CEP70: variants seen among roughly 807,000 people sequenced by gnomAD.
CEP70 encodes the protein centrosomal protein of 70 kDa.
CEP70 carries 70 observed loss-of-function variants against 90.9 expected under a neutral mutation model. The ratio of observed to expected loss-of-function variants is 0.77; its 90% CI spans 0.64 to 0.94. The LOEUF (loss-of-function observed/expected upper bound fraction) is 0.94. Ranked by LOEUF, CEP70 falls within the 40% of genes least tolerant of loss-of-function variation. The probability of loss-of-function intolerance (pLI) is 0.00; values close to 1 mark genes in which losing one functional copy is unlikely to be tolerated. For missense variants in CEP70, 648 were observed against 669.0 expected, an observed-to-expected ratio of 0.97 and a Z score of 0.35; for synonymous variants, 220 against 228.3, an observed-to-expected ratio of 0.96 and a Z score of 0.33.
At chr3:138,542,256 T>G (rs1256618473) in intron 6 of CEP70, among the ~76,000 whole-genome samples, 4 of 152,154 alleles carry the variant, frequency 2.6e-5, no homozygotes, top group Non-Finnish European at 5.9e-5. Flanking sequence ...CCAGATGTAC[T>G]GCAAGCAGCT....
intron 6 of CEP70, among the ~76,000 whole-genome samples, chr3:138,543,457 G>A (rs2038925862): frequency 6.6e-6 from 1 of 152,238 alleles, no homozygotes; most frequent in Non-Finnish European, 1.5e-5. Flanking sequence ...GGAGTGAAGA[G>A]AGGCCAGGCA....
In CEP70 at chr3:138,568,703, G is replaced by A. The variant is rs145300638; in HGVS notation, c.465+1615C>T. Among the ~76,000 whole-genome samples, 420 of 152,032 alleles carry A rather than the reference G, an allele frequency of 2.8e-3. 4 individuals carry two copies. Among genetic ancestry groups the A allele is most frequent in the Admixed American group, 0.017 (262 of 15,274 alleles). ...CTTGTTAACAAAGCCAACCTAGGCC[G>A]GGCGCAGTGGCTCACACCTATAATC... On this transcript the variant is annotated intron_variant, in intron 6 of 17. Coordinates refer to ENST00000264982, the MANE Select transcript of CEP70 (RefSeq NM_024491.4).
intron 6 of CEP70, among the ~76,000 whole-genome samples, chr3:138,542,746 A>G (rs879469441): frequency 6.6e-6 from 1 of 152,208 alleles, no homozygotes; most frequent in Non-Finnish European, 1.5e-5. Context: ...AACGTGTTAC[A>G]GCTCCTTTCA....
intron 10 of CEP70, among the ~76,000 whole-genome samples, chr3:138,525,992 T>C (rs563845397): frequency 1.6e-4 from 25 of 152,174 alleles, no homozygotes; most frequent in Non-Finnish European, 3.5e-4. Flanking sequence ...AGAGAACCAC[T>C]ATCCTCAATT....
chr3:138,564,490 G>A (rs547369045), intron 6 of CEP70, among the ~76,000 whole-genome samples: 12 of 152,136 alleles, frequency 7.9e-5, no homozygotes, highest in South Asian at 4.2e-4. Flanking sequence ...ATCAAAAACC[G>A]TATCCACCAC....
intron 6 of CEP70, among the ~76,000 whole-genome samples, chr3:138,554,912 G>A (rs891510940): frequency 6.6e-5 from 10 of 152,088 alleles, no homozygotes; most frequent in Middle Eastern, 3.4e-3. Context: ...TAATTGGCAC[G>A]CCACATGTAG....
intron 16 of CEP70, among the ~76,000 whole-genome samples, chr3:138,498,522 G>A (rs1230313323): frequency 6.6e-6 from 1 of 151,470 alleles, no homozygotes; most frequent in Non-Finnish European, 1.5e-5. Flanking sequence ...TTTTAGTAGA[G>A]ACGGGGTTTC....
rs543865856 is a variant in CEP70, at chr3:138,528,001, AT to A, written c.869+1197del. Among the ~76,000 whole-genome samples, 823 of 126,036 alleles carry A rather than the reference AT, an allele frequency of 6.5e-3. 11 individuals are homozygous for A. Among genetic ancestry groups the A allele is most frequent in the African/African-American group, 0.023 (769 of 33,150 alleles). The allele number at this position is 126,036 out of a possible 152,430, so 82.7% of individuals were successfully genotyped here. ...ACATCAATTGTAACTCAATAAAGCT[AT>A]TTTTTAAAAGCAAAAAAAAAAAAAA... On this transcript the variant is annotated intron_variant, in intron 10 of 17. Coordinates refer to ENST00000264982, the MANE Select transcript of CEP70 (RefSeq NM_024491.4).
intron 11 of CEP70, among the ~76,000 whole-genome samples, chr3:138,520,574 T>G (rs1362230613): frequency 1.3e-5 from 2 of 152,186 alleles, no homozygotes; most frequent in African/African-American, 4.8e-5. Flanking sequence ...AACCTGCTCC[T>G]GAATGACTAC....
Position 138,500,190 on chromosome 3 carries a change from A to G in CEP70, c.1572T>C (p.Thr524=). The G allele has an allele frequency of 1.2e-6, 2 of 1,613,480 alleles. No homozygotes were observed. Among genetic ancestry groups the G allele is most frequent in the Non-Finnish European group, 1.7e-6 (2 of 1,179,364 alleles). ...TAATCAGCCTACAGAGTTTTCCAAC[A>G]GTGCTTACTAGCACACACAATGAGG... ...SSSSLCVLVS[T]VGKLCRLINE... Residue 524 remains threonine (T), a synonymous_variant, in exon 16 of 18, where the codon ACT becomes ACC. Transcript: ENST00000264982.
At chr3:138,563,980 A>T (rs1288494903) in intron 6 of CEP70, among the ~76,000 whole-genome samples, 1 of 152,192 alleles carries the variant, frequency 6.6e-6, no homozygotes, top group Non-Finnish European at 1.5e-5. Flanking sequence ...AAGAGAGAAG[A>T]ATCAAATAGA....
chr3:138,537,154 T>G, intron 7 of CEP70, 24 bp downstream of exon 7: 1 of 1,469,252 alleles, frequency 6.8e-7, no homozygotes. Context: ...TCTAGCTACA[T>G]ATCAATTTAT....
chr3:138,569,845 G>T (rs2041043694), intron 6 of CEP70, among the ~76,000 whole-genome samples: 1 of 152,206 alleles, frequency 6.6e-6, no homozygotes, highest in Non-Finnish European at 1.5e-5. Flanking sequence ...TCCAACCTGG[G>T]TGACAGAGCC....
intron 2 of CEP70, among the ~76,000 whole-genome samples, chr3:138,586,811 T>G (rs1465299828): frequency 1.3e-5 from 2 of 152,170 alleles, no homozygotes; most frequent in Non-Finnish European, 2.9e-5. Flanking sequence ...ATTGCACACT[T>G]TTAAGTAACT....
rs774890347 is a variant in CEP70 at position 138,532,515 on chromosome 3, T to A, written c.691A>T (p.Arg231Trp). The stretch of plus-strand genomic sequence containing the variant: ...ACTGTAATACAGGATTACTCGTACC[T>A]TTGTGTATGAATTTTTCTAATTTTA... ...ESKIRKIHTQRQYKEDESQSE... is the reference protein window; with the variant it reads ...ESKIRKIHTQWQYKEDESQSE... Residue 231 changes from arginine to tryptophan, a missense_variant and splice_region_variant, in exon 8 of 18, where the codon AGG becomes TGG. Arg to Trp is a moderately radical substitution (Grantham distance 101). Transcript: ENST00000264982. The A allele has an allele frequency of 5.3e-6, 8 of 1,505,022 alleles. No individual in the cohort carries two copies. The highest frequency in any genetic ancestry group is 1.3e-5 in the South Asian group (1 of 77,886). The allele number at this position is 1,505,022 out of a possible 1,614,324, so 93.2% of individuals were successfully genotyped here. A position where few individuals can be genotyped will look rare whatever the true frequency, so the allele number is the denominator to read the frequency against.
intron 11 of CEP70, among the ~76,000 whole-genome samples, chr3:138,516,791 C>A (rs2036072504): frequency 6.6e-6 from 1 of 151,044 alleles, no homozygotes. Context: ...TCGCTGAAAA[C>A]TGAATCATAT....
intron 6 of CEP70, among the ~76,000 whole-genome samples, chr3:138,544,537 A>ATGTG (rs780695393): frequency 4.7e-5 from 7 of 149,272 alleles, no homozygotes; most frequent in African/African-American, 1.0e-4. Context: ...GTATGTATGT[A>ATGTG]TGTGTGTGTG....
chr3:138,496,919 A>C, intron 17 of CEP70: 2 of 986,180 alleles, frequency 2.0e-6, no homozygotes, highest in Non-Finnish European at 2.4e-6. Flanking sequence ...ACCCTATTAA[A>C]ATATGTTTAT....
chr3:138,548,606 T>C (rs2039390086), intron 6 of CEP70, among the ~76,000 whole-genome samples: 1 of 152,180 alleles, frequency 6.6e-6, no homozygotes, highest in Non-Finnish European at 1.5e-5. Context: ...TCCCTGCATA[T>C]GCAGATAAGC....
Sources: allele counts gnomAD v4.1 joint callset (sites outside exome capture counted in the v4.1 genomes callset), GRCh38; gene constraint gnomAD v4.1.1; transcripts MANE v1.5; gene names NCBI Gene and HGNC (gene_info 2026-07-23, HGNC 2026-07-21).